Variants in ZNF48 observed in about 807,000 individuals in gnomAD.
The protein encoded by ZNF48 is zinc finger protein 48.
In ZNF48, 20 loss-of-function variants were observed where a neutral mutation model predicts 40.0. The observed-to-expected ratio is 0.50, with a 90% CI of 0.35 to 0.73. The LOEUF (loss-of-function observed/expected upper bound fraction) is 0.73. Among genes scored for constraint, ZNF48 ranks in the 30% least tolerant of loss-of-function variants. ZNF48 has a pLI of 0.01. For missense variants in ZNF48, 726 were observed against 851.9 expected, an observed-to-expected ratio of 0.85 and a Z score of 1.84; for synonymous variants, 298 against 329.7, an observed-to-expected ratio of 0.90 and a Z score of 1.04.
At chr16:30,390,796 T>G (rs1173692635), upstream of ZNF48, among the ~76,000 whole-genome samples, 1 of 151,848 alleles carries the variant, frequency 6.6e-6, no homozygotes. Context: ...AATTTTTTTT[T>G]TATATTTTTA....
rs2049891578 is a variant in ZNF48, at chr16:30,385,203, TA to T, written c.-16+6795del. Among the ~76,000 whole-genome samples the T allele has an allele frequency of 4.1e-5, 6 of 145,344 alleles. No individual in the cohort carries two copies. In the Admixed American group the frequency reaches 4.1e-4, roughly 10 times the overall value. ...ATAATAATAATAATAATAATAATAA[TA>T]ATAATAATAATAATAATATAAATAA... is the stretch of plus-strand genomic sequence containing the variant. On this transcript the variant is annotated intron_variant, in intron 1 of 2. Coordinates refer to the ZNF48 transcript ENST00000528032.
chr16:30,395,841 A>G lies in ZNF48; in HGVS notation c.47A>G (p.Glu16Gly). 1 of 1,548,510 alleles carries G rather than the reference A, an allele frequency of 6.5e-7. No homozygotes were observed. ...TGGGGCCCAGATCTCCACCGCCCGG[A>G]GGAGAGGGAGCCACAGAGAGGCGCC... Reference protein sequence around the residue: ...EPWGPDLHRPEEREPQRGART... With the variant: ...EPWGPDLHRPGEREPQRGART... Residue 16 changes from glutamate (E) to glycine (G), a missense_variant, in exon 2 of 3, where the codon GAG becomes GGG. By Grantham distance (98) the Glu-to-Gly change is moderately conservative (BLOSUM62 -2). This residue lies in a region of ZNF48 where 151 missense variants were observed against 162.3 expected (regional missense o/e 0.93). Transcript: ENST00000613509. The surrounding 1 kb of genome is among the most constrained non-coding windows in gnomAD (Gnocchi z 5.9).
chr16:30,399,407 C>G lies in ZNF48; in HGVS notation c.*300C>G, dbSNP rs922454503. ...CTGGCTTTCACCTAAGGACTCAACC[C>G]TAAATTCCTGCTGCCTCATCTGTTA... On this transcript the variant is annotated 3_prime_UTR_variant, in exon 3 of 3. Transcript: ENST00000613509. The G allele has an allele frequency of 1.2e-4, 33 of 279,240 alleles. No homozygotes were observed. The highest frequency in any genetic ancestry group is 6.1e-4 in the African/African-American group (28 of 45,872). The allele number at this position is 279,240 out of a possible 1,614,324, so 17.3% of individuals were successfully genotyped here.
At chr16:30,391,109 G>T (rs2049939535), upstream of ZNF48, among the ~76,000 whole-genome samples, 1 of 152,116 alleles carries the variant, frequency 6.6e-6, no homozygotes, top group Admixed American at 6.6e-5. Context: ...CATTAAAACG[G>T]AACTATTCTC....
chr16:30,381,515 A>G lies in ZNF48; in HGVS notation c.-16+3105A>G. On this transcript the variant is annotated intron_variant, in intron 1 of 2. Coordinates refer to the ZNF48 transcript ENST00000528032. The surrounding 1 kb of genome is among the most constrained non-coding windows in gnomAD (Gnocchi z 4.3). ...GATGTGAGGTCAGAGATCAAAGGCCAGAGGGCAGGGGGCAAGGCTAGCCAG... is the reference window on the plus strand; with the variant it reads ...GATGTGAGGTCAGAGATCAAAGGCCGGAGGGCAGGGGGCAAGGCTAGCCAG... 6.2e-7 allele frequency: 1 copy of G among 1,611,280 alleles called. No homozygotes were observed. The highest frequency in any genetic ancestry group is 8.5e-7 in the Non-Finnish European group (1 of 1,177,938).
Position 30,399,395 on chromosome 16 carries a change from A to G in ZNF48, c.*288A>G. On this transcript the variant is annotated 3_prime_UTR_variant, in exon 3 of 3. Coordinates refer to ENST00000613509, the MANE Select transcript of ZNF48 (RefSeq NM_001214909.2). ...TGAATAAATAAACTGGCTTTCACCTAAGGACTCAACCCTAAATTCCTGCTG... is the reference window on the plus strand; with the variant it reads ...TGAATAAATAAACTGGCTTTCACCTGAGGACTCAACCCTAAATTCCTGCTG... The G allele has an allele frequency of 3.2e-6, 1 of 311,420 alleles. No individual in the cohort carries two copies. Among genetic ancestry groups the G allele is most frequent in the Non-Finnish European group, 6.0e-6 (1 of 167,776 alleles). 19.3% of individuals were successfully genotyped at this position (311,420 alleles called of 1,614,324 possible). A position where few individuals can be genotyped will look rare whatever the true frequency, so the allele number is the denominator to read the frequency against.
Position 30,381,210 on chromosome 16 carries a change from C to T in ZNF48, c.-16+2800C>T, listed in dbSNP as rs1597006964. 1 of 1,614,080 alleles carries T rather than the reference C, an allele frequency of 6.2e-7. No homozygotes were observed. ...GGGATGATGTTGACTTTCTCGTGTA[C>T]TGCCCGGAGGAAGGCCACATCTAGG... On this transcript the variant is annotated intron_variant, in intron 1 of 2. Coordinates refer to the ZNF48 transcript ENST00000528032. This position sits in a 1 kb window ranked among gnomAD's most constrained non-coding sequence, Gnocchi z 4.3.
chr16:30,387,283 CA>C (rs1229930011), intron 1 of ZNF48, among the ~76,000 whole-genome samples: 7 of 145,754 alleles, frequency 4.8e-5, no homozygotes, highest in Admixed American at 4.7e-4. Context: ...GGCGGGGCGC[CA>C]TGGCTCACTC....
At chr16:30,391,435 G>A (rs552624540), upstream of ZNF48, among the ~76,000 whole-genome samples, 2 of 149,866 alleles carry the variant, frequency 1.3e-5, no homozygotes, top group South Asian at 2.1e-4. Flanking sequence ...TGATCCGCCC[G>A]CCTCAGCCTA....
rs1597021134 is a variant in ZNF48 at position 30,397,585 on chromosome 16, C to T, written c.335C>T (p.Ala112Val). 1 of 1,614,120 alleles carries T rather than the reference C, an allele frequency of 6.2e-7. No individual in the cohort carries two copies. The highest frequency in any genetic ancestry group is 8.5e-7 in the Non-Finnish European group (1 of 1,180,032). Residue 112 changes from alanine to valine, a missense_variant, in exon 3 of 3, where the codon GCT (alanine) becomes GTT (valine). Transcript: ENST00000613509. The surrounding 1 kb of genome is among the most constrained non-coding windows in gnomAD (Gnocchi z 4.1). ...RWGQASSDRAAVCGECGKSFR... is the reference protein window; with the variant it reads ...RWGQASSDRAVVCGECGKSFR... ...GGCCAGGCTAGTAGTGATCGGGCCGCTGTGTGTGGTGAGTGTGGCAAAAGC... is the reference window on the plus strand; with the variant it reads ...GGCCAGGCTAGTAGTGATCGGGCCGTTGTGTGTGGTGAGTGTGGCAAAAGC...
In ZNF48 at chr16:30,399,074, C is replaced by T. The variant is rs1243264194; in HGVS notation, c.1824C>T (p.Pro608=). 6.2e-7 allele frequency: 1 copy of T among 1,601,954 alleles called. No individual in the cohort carries two copies. The highest frequency in any genetic ancestry group is 8.5e-7 in the Non-Finnish European group (1 of 1,173,266). ...GGATAGGGGATGGTAGGGCAAGGCC[C>T]CTCAAGCAGGAGGCAGCAACAGGAC... ...PFGIGDGRAR[P]LKQEAATGLE The change falls in exon 3 of 3, where the codon CCC becomes CCT. Residue 608 remains proline, a synonymous_variant. Transcript: ENST00000613509.
At chr16:30,379,442 G>T (rs772941508) in intron 1 of ZNF48, 52 of 1,613,520 alleles carry the variant, frequency 3.2e-5, no homozygotes, top group Non-Finnish European at 4.3e-5. Context: ...CACCCTCCAC[G>T]GTCCCCCAGG....
intron 2 of ZNF48, 129 bp downstream of exon 2, chr16:30,396,002 GA>G (rs2049981933): frequency 2.1e-6 from 2 of 962,366 alleles, no homozygotes; most frequent in Admixed American, 3.3e-5. Flanking sequence ...AGGGGGAGGG[GA>G]GCTTTCGGAG....
Position 30,395,809 on chromosome 16 carries a change from A to G in ZNF48, c.15A>G (p.Val5=), listed in dbSNP as rs766537311. Residue 5 remains valine, a synonymous_variant, in exon 2 of 3, where the codon GTA becomes GTG. Coordinates refer to ENST00000613509, the MANE Select transcript of ZNF48 (RefSeq NM_001214909.2). This position sits in a 1 kb window ranked among gnomAD's most constrained non-coding sequence, Gnocchi z 5.9. The part of the protein sequence containing the change: MERA[V]EPWGPDLHRP... ...GCGTGCCGGCGATGGAGCGCGCGGTAGAGCCTTGGGGCCCAGATCTCCACC... is the reference window on the plus strand; with the variant it reads ...GCGTGCCGGCGATGGAGCGCGCGGTGGAGCCTTGGGGCCCAGATCTCCACC... 2 of 1,546,110 alleles carry G rather than the reference A, an allele frequency of 1.3e-6. No individual in the cohort carries two copies. Among genetic ancestry groups the G allele is most frequent in the Admixed American group, 3.8e-5 (2 of 52,778 alleles).
chr16:30,382,534 G>T lies in ZNF48; in HGVS notation c.-16+4124G>T, dbSNP rs201701101. The T allele has an allele frequency of 1.1e-5, 18 of 1,584,446 alleles. No individual in the cohort carries two copies. The highest frequency in any genetic ancestry group is 2.3e-5 in the East Asian group (1 of 43,200). On this transcript the variant is annotated intron_variant, in intron 1 of 2. Coordinates refer to the ZNF48 transcript ENST00000528032. This position sits in a 1 kb window ranked among gnomAD's most constrained non-coding sequence, Gnocchi z 4.8. ...GGGTGTAAGGACTCACCATGACTCC[G>T]CCAGCCATCACTGCACCTGCCGTCT...
chr16:30,388,627 G>A (rs993516307), intron 1 of ZNF48, among the ~76,000 whole-genome samples: 20 of 152,120 alleles, frequency 1.3e-4, no homozygotes, highest in Non-Finnish European at 2.5e-4. Context: ...GGTGGCTCAC[G>A]CCTGTAATCC....
intron 1 of ZNF48, among the ~76,000 whole-genome samples, chr16:30,384,661 G>C (rs1254507483): frequency 1.3e-5 from 2 of 151,910 alleles, no homozygotes; most frequent in African/African-American, 2.4e-5. Context: ...CGGATCACTT[G>C]AGGCCAGGAG....
At position 30,381,095 on chromosome 16, in the gene ZNF48, T is replaced by G; in HGVS notation, c.-16+2685T>G. ...AGCTGAAATCAGGTTTGGCTTCACA[T>G]GGGGTCAAAGGTCAGAGGTCATCAC... On this transcript the variant is annotated intron_variant, in intron 1 of 2. Coordinates refer to the ZNF48 transcript ENST00000528032. The surrounding 1 kb of genome is among the most constrained non-coding windows in gnomAD (Gnocchi z 4.3). 2 of 1,543,292 alleles carry G rather than the reference T, an allele frequency of 1.3e-6. No homozygotes were observed. Among genetic ancestry groups the G allele is most frequent in the Non-Finnish European group, 1.8e-6 (2 of 1,115,316 alleles).
chr16:30,396,078 C>T (rs2151117683), intron 2 of ZNF48: 2 of 467,598 alleles, frequency 4.3e-6, no homozygotes, highest in South Asian at 4.0e-5. Flanking sequence ...CACGGCCTTC[C>T]TCATCCTTAC....
Sources: gnomAD v4.1 joint callset for allele counts (sites outside exome capture counted in the v4.1 genomes callset) on GRCh38, gnomAD v4.1.1 for gene constraint, gnomAD v4.1.1 regional missense constraint, Gnocchi (gnomAD v3.1) non-coding constraint, MANE v1.5 for transcripts, NCBI Gene and HGNC (gene_info 2026-07-23, HGNC 2026-07-21) for gene names.